Variants in TRPC4 observed in about 807,000 individuals in gnomAD.
The protein encoded by TRPC4 is short transient receptor potential channel 4.
TRPC4 carries 49 observed loss-of-function variants against 99.4 expected under a neutral mutation model. That is an observed-to-expected ratio of 0.49 (90% CI 0.39 to 0.63). TRPC4 has a LOEUF of 0.63. Ranked by LOEUF, TRPC4 falls within the 20% of genes least tolerant of loss-of-function variation. TRPC4 has a pLI of 0.00. For missense variants in TRPC4, 898 were observed against 1,152.9 expected, an observed-to-expected ratio of 0.78 and a Z score of 3.20; for synonymous variants, 454 against 425.9, an observed-to-expected ratio of 1.07 and a Z score of -0.81.
rs532639944 is a variant in TRPC4, at chr13:37,683,007, T to G, written c.1235-8640A>C. ...CTTGAACTCCTGGCATCAAGCAATC[T>G]CCCCACCTTGGCCTTCCAAGGAGGG... On this transcript the variant is annotated intron_variant, in intron 4 of 10. Transcript: ENST00000379705. 1.4e-4 allele frequency among the ~76,000 whole-genome samples: 20 copies of G among 145,940 alleles called. No homozygotes were observed. The South Asian group carries it at 4.0e-3, about 29-fold the overall frequency.
At position 37,784,897 on chromosome 13, in the gene TRPC4, T is replaced by C. The variant is rs1272831906; in HGVS notation, c.-27-1537A>G. Among the ~76,000 whole-genome samples, 3 of 152,142 alleles carry C rather than the reference T, an allele frequency of 2.0e-5. No homozygotes were observed. In the East Asian group the frequency reaches 5.8e-4, roughly 29 times the overall value. ...GTATCTAGGTGTTTAAGAGCTAATA[T>C]GAAAAACTATTATTTCACAACTGGT... On this transcript the variant is annotated intron_variant, in intron 1 of 10. Coordinates refer to ENST00000379705, the MANE Select transcript of TRPC4 (RefSeq NM_016179.4).
At chr13:37,678,735 A>G (rs535377142) in intron 4 of TRPC4, among the ~76,000 whole-genome samples, 2 of 152,286 alleles carry the variant, frequency 1.3e-5, no homozygotes, top group Non-Finnish European at 2.9e-5. Context: ...ACAGTAAGAA[A>G]CATTTAAGAG....
chr13:37,772,832 C>G (rs1956593868), intron 2 of TRPC4, among the ~76,000 whole-genome samples: 1 of 151,714 alleles, frequency 6.6e-6, no homozygotes, highest in African/African-American at 2.4e-5. Flanking sequence ...CAGAGTCTGT[C>G]AACTTGCTGC....
chr13:37,653,786 T>G (rs1233021492), intron 7 of TRPC4, among the ~76,000 whole-genome samples: 2 of 152,182 alleles, frequency 1.3e-5, no homozygotes, highest in Non-Finnish European at 2.9e-5. Flanking sequence ...AAGATCCAAA[T>G]TGCTGGCAGC....
At chr13:37,755,423 A>AT in intron 2 of TRPC4, among the ~76,000 whole-genome samples, 1 of 13,822 alleles carries the variant, frequency 7.2e-5, no homozygotes, top group African/African-American at 8.4e-5. Flanking sequence ...TACCTGGATA[A>AT]TTTTTTTATT....
chr13:37,865,998 T>C (rs570452501), intron 1 of TRPC4, among the ~76,000 whole-genome samples: 1 of 151,892 alleles, frequency 6.6e-6, no homozygotes, highest in Admixed American at 6.6e-5. Flanking sequence ...TCTTTTCTTT[T>C]TTCACAATAG....
chr13:37,824,675 CA>C (rs1208071917), intron 1 of TRPC4, among the ~76,000 whole-genome samples: 1 of 152,026 alleles, frequency 6.6e-6, no homozygotes, highest in African/African-American at 2.4e-5. Flanking sequence ...TTCGGTTTGC[CA>C]TTATTTTATT....
At chr13:37,732,087 T>C (rs1955255533) in intron 3 of TRPC4, among the ~76,000 whole-genome samples, 1 of 152,172 alleles carries the variant, frequency 6.6e-6, no homozygotes, top group Non-Finnish European at 1.5e-5. Flanking sequence ...ATACCTAATG[T>C]ACCAGTGCCA....
intron 3 of TRPC4, among the ~76,000 whole-genome samples, chr13:37,745,189 A>G (rs1955701572): frequency 6.6e-6 from 1 of 151,796 alleles, no homozygotes. Context: ...AATGTTGTCT[A>G]TATATACAGT....
intron 1 of TRPC4, among the ~76,000 whole-genome samples, chr13:37,812,466 G>GAC (rs1957730932): frequency 1.3e-5 from 2 of 151,944 alleles, no homozygotes; most frequent in African/African-American, 4.8e-5. Context: ...GTTTATTAAT[G>GAC]ATAACTACAG....
At chr13:37,840,908 T>A (rs1328592943) in intron 1 of TRPC4, among the ~76,000 whole-genome samples, 2 of 152,054 alleles carry the variant, frequency 1.3e-5, no homozygotes, top group East Asian at 1.9e-4. Context: ...AATTTCCTTC[T>A]CTACAAATTC....
At chr13:37,819,074 A>G (rs1035631772) in intron 1 of TRPC4, among the ~76,000 whole-genome samples, 6 of 152,100 alleles carry the variant, frequency 3.9e-5, no homozygotes, top group African/African-American at 1.4e-4. Context: ...AGGCATATGA[A>G]AAAAAGCTTA....
rs147742966 is a variant in TRPC4 at position 37,649,662 on chromosome 13, A to C, written c.2079+1603T>G. Reference sequence around the variant, plus strand: ...GGCAGGAGAATGGCGTGAACCCGGAAGGCGGAGCTTGCAGAGTCGCGATCA... The same window carrying C: ...GGCAGGAGAATGGCGTGAACCCGGACGGCGGAGCTTGCAGAGTCGCGATCA... On this transcript the variant is annotated intron_variant, in intron 8 of 10. Coordinates refer to ENST00000379705, the MANE Select transcript of TRPC4 (RefSeq NM_016179.4). Among the ~76,000 whole-genome samples, 450 of 139,102 alleles carry C rather than the reference A, an allele frequency of 3.2e-3. 5 individuals carry two copies. The highest frequency in any genetic ancestry group is 0.012 in the African/African-American group (439 of 37,300). The allele number at this position is 139,102 out of a possible 152,430, so 91.3% of individuals were successfully genotyped here.
chr13:37,728,333 C>A (rs1474691958), intron 3 of TRPC4, among the ~76,000 whole-genome samples: 1 of 151,864 alleles, frequency 6.6e-6, no homozygotes, highest in Non-Finnish European at 1.5e-5. Context: ...ACAAAATCAG[C>A]AAGGTAGCAG....
intron 5 of TRPC4, among the ~76,000 whole-genome samples, chr13:37,671,605 G>A (rs1952845744): frequency 6.6e-6 from 1 of 151,734 alleles, no homozygotes; most frequent in Admixed American, 6.6e-5. Flanking sequence ...CTAATTTAGT[G>A]TGCTTATTCT....
At chr13:37,652,489 A>G (rs572246353) in intron 7 of TRPC4, among the ~76,000 whole-genome samples, 1 of 152,364 alleles carries the variant, frequency 6.6e-6, no homozygotes, top group South Asian at 2.1e-4. Context: ...TACCTAGAGA[A>G]TGCATGGCCT....
At chr13:37,862,383 AGG>A (rs1239441359) in intron 1 of TRPC4, among the ~76,000 whole-genome samples, 23 of 151,602 alleles carry the variant, frequency 1.5e-4, no homozygotes, top group Non-Finnish European at 3.0e-4. Context: ...TATGTATAAA[AGG>A]AAAACACTGT....
At chr13:37,752,949 T>C (rs756652437) in intron 2 of TRPC4, among the ~76,000 whole-genome samples, 3 of 150,668 alleles carry the variant, frequency 2.0e-5, no homozygotes, top group South Asian at 4.2e-4. Flanking sequence ...TCTAGAAGCA[T>C]AGCAGAAAAT....
In TRPC4 at chr13:37,783,308, T is replaced by C. The variant is rs1334311855; in HGVS notation, c.26A>G (p.Asn9Ser). The C allele has an allele frequency of 1.3e-6, 2 of 1,586,146 alleles. No individual in the cohort carries two copies. Among genetic ancestry groups the C allele is most frequent in the Non-Finnish European group, 1.7e-6 (2 of 1,168,962 alleles). ...GCGGTCTCTATAGGGAGCATTAACA[T>C]TTCTTTTGTAATAGAACTGAGCCAT... MAQFYYKR[N>S]VNAPYRDRIP... The change falls in exon 2 of 11, where the codon AAT becomes AGT. Residue 9 changes from asparagine to serine, a missense_variant. Asn to Ser is a conservative substitution (Grantham distance 46). Transcript: ENST00000379705.
Sources: allele counts gnomAD v4.1 joint callset (sites outside exome capture counted in the v4.1 genomes callset), GRCh38; gene constraint gnomAD v4.1.1; transcripts MANE v1.5; gene names NCBI Gene and HGNC (gene_info 2026-07-23, HGNC 2026-07-21).